Variants in DRC11 observed in about 807,000 individuals in gnomAD.
DRC11 encodes IQ and AAA domain-containing protein 1.
At chr2:236,357,127 T>G in the DRC11 span, among the ~76,000 whole-genome samples, 1 of 130,442 alleles carries the variant, frequency 7.7e-6, no homozygotes, top group Non-Finnish European at 1.5e-5. Context: ...ATATTATATA[T>G]TCGTATATTA....
At chr2:236,353,964 T>A in the DRC11 span, among the ~76,000 whole-genome samples, 3 of 152,216 alleles carry the variant, frequency 2.0e-5, no homozygotes, top group African/African-American at 7.2e-5. This position sits in a 1 kb window ranked among gnomAD's most constrained non-coding sequence, Gnocchi z 5.0. Context: ...TTCCTTGTAA[T>A]ACCTTTTATG....
the DRC11 span, among the ~76,000 whole-genome samples, chr2:236,456,969 G>A: frequency 3.3e-5 from 5 of 152,310 alleles, no homozygotes; most frequent in South Asian, 2.1e-4. This position sits in a 1 kb window ranked among gnomAD's most constrained non-coding sequence, Gnocchi z 5.4. Flanking sequence ...TCAGTGGCAG[G>A]AGCCCGCAGT....
At chr2:236,347,527 T>TATA in the DRC11 span, among the ~76,000 whole-genome samples, 1 of 145,292 alleles carries the variant, frequency 6.9e-6, no homozygotes, top group African/African-American at 2.5e-5. Context: ...TATATATATA[T>TATA]GATGGAATAC....
At chr2:236,311,418 G>T in the DRC11 span, among the ~76,000 whole-genome samples, 2,541 of 152,254 alleles carry the variant, frequency 0.017, 70 homozygotes, top group African/African-American at 0.058. The surrounding 1 kb of genome is among the most constrained non-coding windows in gnomAD (Gnocchi z 6.9). Context: ...CTCAAAGTGG[G>T]GCCTTGCTCC....
chr2:236,384,787 G>C, the DRC11 span, among the ~76,000 whole-genome samples: 6 of 151,040 alleles, frequency 4.0e-5, no homozygotes, highest in African/African-American at 7.3e-5. Context: ...GGTTTTTATG[G>C]TTTTAGGTCT....
the DRC11 span, among the ~76,000 whole-genome samples, chr2:236,491,181 ACACACAG>A: frequency 5.8e-4 from 28 of 48,314 alleles, 3 homozygotes; most frequent in African/African-American, 3.1e-3. Flanking sequence ...ATATATATAT[ACACACAG>A]TATATATATA....
the DRC11 span, among the ~76,000 whole-genome samples, chr2:236,424,651 TTG>T: frequency 6.6e-6 from 1 of 150,376 alleles, no homozygotes; most frequent in Admixed American, 6.6e-5. Context: ...TTAGCATTTT[TTG>T]TGTGTGATGA....
At chr2:236,434,880 G>A in the DRC11 span, among the ~76,000 whole-genome samples, 51 of 152,098 alleles carry the variant, frequency 3.4e-4, no homozygotes, top group African/African-American at 4.3e-4. This position sits in a 1 kb window ranked among gnomAD's most constrained non-coding sequence, Gnocchi z 5.5. Flanking sequence ...TTTAGCTGGC[G>A]GGACAACACC....
chr2:236,404,433 T>C, the DRC11 span, among the ~76,000 whole-genome samples: 11 of 152,138 alleles, frequency 7.2e-5, no homozygotes, highest in African/African-American at 2.7e-4. Flanking sequence ...CTAAGTCTGC[T>C]CCAGATGAAG....
the DRC11 span, among the ~76,000 whole-genome samples, chr2:236,387,353 T>C: frequency 3.3e-5 from 5 of 152,138 alleles, no homozygotes; most frequent in African/African-American, 1.2e-4. Flanking sequence ...GCTCCTGTAT[T>C]GGTGCATATA....
At chr2:236,484,408 A>C in the DRC11 span, among the ~76,000 whole-genome samples, 1 of 152,240 alleles carries the variant, frequency 6.6e-6, no homozygotes, top group South Asian at 2.1e-4. Flanking sequence ...ATGTAAGCTA[A>C]GCAAAAATTA....
chr2:236,410,078 G>A, the DRC11 span, among the ~76,000 whole-genome samples: 2 of 151,488 alleles, frequency 1.3e-5, no homozygotes, highest in Non-Finnish European at 2.9e-5. Flanking sequence ...CTCTTTTTTG[G>A]TTGTGTCTCT....
At chr2:236,412,185 G>A in the DRC11 span, among the ~76,000 whole-genome samples, 1 of 152,152 alleles carries the variant, frequency 6.6e-6, no homozygotes, top group Non-Finnish European at 1.5e-5. Context: ...GTGGGCCACT[G>A]CGCCCAGCCA....
At chr2:236,368,376 A>C in the DRC11 span, 2 of 776,426 alleles carry the variant, frequency 2.6e-6, no homozygotes, top group Non-Finnish European at 4.3e-6. Flanking sequence ...TGGCATCTGC[A>C]AAACGATCGG....
chr2:236,391,516 C>T, the DRC11 span: 1 of 162,074 alleles, frequency 6.2e-6, no homozygotes. The surrounding 1 kb of genome is among the most constrained non-coding windows in gnomAD (Gnocchi z 4.5). Flanking sequence ...CCTGATCTAA[C>T]TAGCTACTCT....
At chr2:236,457,209 C>T in the DRC11 span, among the ~76,000 whole-genome samples, 1 of 152,110 alleles carries the variant, frequency 6.6e-6, no homozygotes, top group African/African-American at 2.4e-5. The surrounding 1 kb of genome is among the most constrained non-coding windows in gnomAD (Gnocchi z 4.7). Flanking sequence ...AATATGGGAG[C>T]CACTAGCAAC....
At chr2:236,498,478 AGTGAG>A in the DRC11 span, among the ~76,000 whole-genome samples, 1 of 104,730 alleles carries the variant, frequency 9.5e-6, no homozygotes. Flanking sequence ...AAAAAAAAAG[AGTGAG>A]GTGAGGTGCA....
chr2:236,373,206 T>C, the DRC11 span, among the ~76,000 whole-genome samples: 2 of 152,228 alleles, frequency 1.3e-5, no homozygotes, highest in South Asian at 4.1e-4. Flanking sequence ...TTTTACTCTT[T>C]CTATTTTATG....
At chr2:236,417,131 A>G in the DRC11 span, among the ~76,000 whole-genome samples, 1 of 152,052 alleles carries the variant, frequency 6.6e-6, no homozygotes, top group Non-Finnish European at 1.5e-5. Flanking sequence ...CGGCCTCCCA[A>G]AGTGCTGGGA....
Sources: gnomAD v4.1 joint callset for allele counts (sites outside exome capture counted in the v4.1 genomes callset) on GRCh38, gnomAD v4.1.1 for gene constraint, Gnocchi (gnomAD v3.1) non-coding constraint, MANE v1.5 for transcripts, NCBI Gene and HGNC (gene_info 2026-07-23, HGNC 2026-07-21) for gene names.